The following PDE10A variants were observed in gnomAD, a reference collection of about 807,000 sequenced individuals.
The protein encoded by PDE10A is phosphodiesterase 10A.
Under a neutral mutation model 97.7 loss-of-function variants are expected in PDE10A, and 39 were observed. The ratio of observed to expected loss-of-function variants is 0.40; its 90% confidence interval spans 0.31 to 0.52. The LOEUF (loss-of-function observed/expected upper bound fraction) is 0.52. Among genes scored for constraint, PDE10A ranks in the 20% least tolerant of loss-of-function variants. PDE10A has a pLI of 0.56. For missense variants in PDE10A, 731 were observed against 1,047.8 expected, an observed-to-expected ratio of 0.70 and a Z score of 4.17; for synonymous variants, 371 against 376.8, an observed-to-expected ratio of 0.98 and a Z score of 0.18.
At chr6:165,481,579 T>C (rs903705970) in intron 3 of PDE10A, among the ~76,000 whole-genome samples, 9 of 152,226 alleles carry the variant, frequency 5.9e-5, no homozygotes, top group Non-Finnish European at 1.3e-4. Flanking sequence ...AACTGATTAT[T>C]TTCAATATTT....
intron 1 of PDE10A, among the ~76,000 whole-genome samples, chr6:165,700,680 A>G (rs1791546699): frequency 6.6e-6 from 1 of 152,192 alleles, no homozygotes. Flanking sequence ...TCACATTTGA[A>G]CTAAAGATTT....
chr6:165,378,771 T>A lies in PDE10A; in HGVS notation c.2783+423A>T, dbSNP rs137859152. Among the ~76,000 whole-genome samples, 441 of 152,042 alleles carry A rather than the reference T, an allele frequency of 2.9e-3. 1 individual carries two copies. The highest frequency in any genetic ancestry group is 0.01 in the African/African-American group (418 of 41,472). On this transcript the variant is annotated intron_variant, in intron 18 of 21. Transcript: ENST00000539869. The stretch of plus-strand genomic sequence containing the variant: ...CAATTACAGATCAATAAAAGGGGAG[T>A]CCAGTTTCTACACCAATCACATTAG...
intron 1 of PDE10A, among the ~76,000 whole-genome samples, chr6:165,970,526 A>G (rs769486260): frequency 1.3e-5 from 2 of 152,184 alleles, no homozygotes; most frequent in Non-Finnish European, 2.9e-5. Context: ...TTTTTAAAAT[A>G]TCCATAACAG....
chr6:165,808,564 A>T (rs1233883330), intron 1 of PDE10A, among the ~76,000 whole-genome samples: 1 of 152,126 alleles, frequency 6.6e-6, no homozygotes, highest in East Asian at 1.9e-4. Flanking sequence ...CCAGCTTGTG[A>T]TTCTATCCTG....
At chr6:165,387,548 G>C (rs1785394456) in intron 17 of PDE10A, among the ~76,000 whole-genome samples, 1 of 152,210 alleles carries the variant, frequency 6.6e-6, no homozygotes, top group Non-Finnish European at 1.5e-5. Context: ...TACTGGCAGA[G>C]TCACTGCTGG....
chr6:165,661,984 G>T lies in PDE10A; in HGVS notation c.828C>A (p.Ser276Arg). ...AGCACTCGGTCAGCCTTCGGAAGCA[G>T]CTCGCATTATTAGAAGGTCCATCTT... ...DMEDGPSNNA[S>R]CFRRLTECFL... The change falls in exon 1 of 22, where the codon AGC becomes AGA. Residue 276 changes from serine (S) to arginine (R), a missense_variant. Physicochemically the swap from Ser to Arg is moderately radical, Grantham distance 110. This residue lies in a region of PDE10A where 181 missense variants were observed against 159.1 expected (regional missense o/e 1.14). Transcript: ENST00000539869. The surrounding 1 kb of genome is among the most constrained non-coding windows in gnomAD (Gnocchi z 4.8). 1.5e-6 allele frequency: 2 copies of T among 1,326,168 alleles called. No homozygotes were observed. Among genetic ancestry groups the T allele is most frequent in the Non-Finnish European group, 2.1e-6 (2 of 947,464 alleles). 82.2% of individuals were successfully genotyped at this position (1,326,168 alleles called of 1,614,324 possible). A position where few individuals can be genotyped will look rare whatever the true frequency, so the allele number is the denominator to read the frequency against.
intron 1 of PDE10A, among the ~76,000 whole-genome samples, chr6:165,575,393 T>A (rs376104220): frequency 5.3e-5 from 8 of 152,180 alleles, no homozygotes; most frequent in African/African-American, 1.9e-4. Context: ...TAGCCTTTTG[T>A]TACTCAGAGG....
chr6:165,573,188 T>G (rs1435480507), intron 1 of PDE10A, among the ~76,000 whole-genome samples: 1 of 152,080 alleles, frequency 6.6e-6, no homozygotes, highest in Non-Finnish European at 1.5e-5. Flanking sequence ...GCCATTAAAA[T>G]AGTTAAACGA....
intron 3 of PDE10A, among the ~76,000 whole-genome samples, chr6:165,456,096 A>T (rs548444527): frequency 1.3e-5 from 2 of 152,330 alleles, no homozygotes; most frequent in South Asian, 4.1e-4. Flanking sequence ...CAGATAAAAT[A>T]TGCTACTCTA....
chr6:165,497,298 A>G (rs910172342), intron 2 of PDE10A, among the ~76,000 whole-genome samples: 13 of 152,178 alleles, frequency 8.5e-5, no homozygotes, highest in African/African-American at 3.1e-4. Context: ...CATCAGTGAG[A>G]GTAACACGAA....
rs1791899250 is a variant in PDE10A, at chr6:165,711,696, C to T, written c.-614-168128G>A. 6.6e-6 allele frequency among the ~76,000 whole-genome samples: 1 copy of T among 152,180 alleles called. No individual in the cohort carries two copies. On this transcript the variant is annotated intron_variant, in intron 1 of 19. Coordinates refer to the PDE10A transcript ENST00000366882. This position sits in a 1 kb window ranked among gnomAD's most constrained non-coding sequence, Gnocchi z 4.5. ...GGAAGCCCCTTTAATACCTGCTGAG[C>T]TACGTTCAGCTCAGGCACAAGCCTG...
intron 17 of PDE10A, among the ~76,000 whole-genome samples, chr6:165,384,499 C>A (rs1000985389): frequency 1.3e-5 from 2 of 152,150 alleles, no homozygotes; most frequent in South Asian, 4.1e-4. Context: ...TTAATCTCTT[C>A]CCATTGCCCA....
intron 1 of PDE10A, among the ~76,000 whole-genome samples, chr6:165,645,305 CT>C (rs1261313017): frequency 6.6e-6 from 1 of 152,198 alleles, no homozygotes. Context: ...CTTCTTGCCC[CT>C]GACCCCTTGC....
At chr6:165,513,149 T>C (rs1054416795) in intron 2 of PDE10A, among the ~76,000 whole-genome samples, 3 of 152,062 alleles carry the variant, frequency 2.0e-5, no homozygotes, top group African/African-American at 7.2e-5. Flanking sequence ...CCATACTTTT[T>C]TCTAAGAAAT....
chr6:165,758,185 G>T (rs1254887655), intron 1 of PDE10A, among the ~76,000 whole-genome samples: 1 of 152,202 alleles, frequency 6.6e-6, no homozygotes, highest in Non-Finnish European at 1.5e-5. Context: ...AAAAATACCA[G>T]GCTGGGTGCA....
chr6:165,541,008 T>C (rs966907571), intron 2 of PDE10A, among the ~76,000 whole-genome samples: 4 of 152,180 alleles, frequency 2.6e-5, no homozygotes, highest in Admixed American at 1.3e-4. Context: ...GGTTTTTATA[T>C]AGGCCTCAAG....
chr6:165,408,267 C>A (rs192683783), intron 13 of PDE10A, among the ~76,000 whole-genome samples: 1 of 152,308 alleles, frequency 6.6e-6, no homozygotes, highest in African/African-American at 2.4e-5. Flanking sequence ...TATTTATGAT[C>A]TTGATCATTA....
At chr6:165,959,474 G>T (rs2128497853) in intron 1 of PDE10A, among the ~76,000 whole-genome samples, 1 of 152,288 alleles carries the variant, frequency 6.6e-6, no homozygotes, top group East Asian at 1.9e-4. Context: ...CCTATGACAA[G>T]TATTATATAT....
chr6:165,875,731 G>GTTTTTTTTTTTTTTTTTTTTTTTTT (rs748111095), intron 1 of PDE10A, among the ~76,000 whole-genome samples: 1 of 46,946 alleles, frequency 2.1e-5, no homozygotes, highest in African/African-American at 7.8e-5. Context: ...TTCTTTTACT[G>GTTTTTTTTTTTTTTTTTTTTTTTTT]TTTTTTTTTT....
Sources: allele counts gnomAD v4.1 joint callset (sites outside exome capture counted in the v4.1 genomes callset), GRCh38; gene constraint gnomAD v4.1.1; regional missense constraint gnomAD v4.1.1; non-coding constraint Gnocchi (gnomAD v3.1); transcripts MANE v1.5; gene names NCBI Gene and HGNC (gene_info 2026-07-23, HGNC 2026-07-21).